Variants in FMNL2 observed in about 807,000 individuals in gnomAD.
The protein encoded by FMNL2 is formin like 2, also known as formin-like protein 2.
A neutral mutation model predicts 130.2 loss-of-function variants in FMNL2; 51 were observed. The ratio of observed to expected loss-of-function variants is 0.39; its 90% CI spans 0.31 to 0.49. FMNL2 has a LOEUF of 0.49. FMNL2 is among the 20% of genes least tolerant of loss of function. The pLI is 0.85. For synonymous variants in FMNL2, 465 were observed against 467.1 expected (o/e 1.00, Z 0.06); for missense variants, 977 against 1,316.2 (o/e 0.74, Z 3.99).
At chr2:152,483,205 G>A (rs1690630159) in intron 1 of FMNL2, among the ~76,000 whole-genome samples, 1 of 152,040 alleles carries the variant, frequency 6.6e-6, no homozygotes, top group Non-Finnish European at 1.5e-5. Context: ...CAGAAACATG[G>A]TGGAGTGGCT....
intron 1 of FMNL2, among the ~76,000 whole-genome samples, chr2:152,437,936 G>A (rs1687850258): frequency 6.6e-6 from 1 of 152,120 alleles, no homozygotes; most frequent in Admixed American, 6.5e-5. Context: ...TGTGGAGTGA[G>A]GAAAAAACAG....
chr2:152,465,580 A>G (rs887388095), intron 1 of FMNL2, among the ~76,000 whole-genome samples: 2 of 152,214 alleles, frequency 1.3e-5, no homozygotes, highest in African/African-American at 2.4e-5. Flanking sequence ...CTTTAAGGAT[A>G]CATTGCACTT....
intron 1 of FMNL2, among the ~76,000 whole-genome samples, chr2:152,477,156 C>G (rs1308534772): frequency 1.3e-5 from 2 of 152,150 alleles, no homozygotes. Context: ...CCATAGAGAT[C>G]TAGCACAATT....
rs1696170525 is a variant in FMNL2 at position 152,571,563 on chromosome 2, T to G, written c.597-3573T>G. On this transcript the variant is annotated intron_variant, in intron 6 of 25. Coordinates refer to ENST00000288670, the MANE Select transcript of FMNL2 (RefSeq NM_052905.4). ...TTATGTAATTCTGTAACAGAACACA[T>G]GCCAAGGGTGTTAGTTTGCCACAGA... Among the ~76,000 whole-genome samples, 3 of 152,200 alleles carry G rather than the reference T, an allele frequency of 2.0e-5. No homozygotes were observed. In the South Asian group the frequency reaches 6.2e-4, roughly 31 times the overall value.
intron 1 of FMNL2, among the ~76,000 whole-genome samples, chr2:152,357,862 A>G (rs973331262): frequency 6.6e-6 from 1 of 152,254 alleles, no homozygotes; most frequent in African/African-American, 2.4e-5. Flanking sequence ...TTTATAGACC[A>G]TAACTGTGAT....
In FMNL2 at chr2:152,640,881, G is replaced by A. The variant is rs1683025473; in HGVS notation, c.3136G>A (p.Gly1046Arg). The change falls in exon 25 of 26, where the codon GGA becomes AGA. Residue 1046 changes from glycine (G) to arginine (R), a missense_variant. Physicochemically the swap from Gly to Arg is moderately radical, Grantham distance 125. Transcript: ENST00000288670. ...TAAAGATAACAGACATGTATATGAG[G>A]GAAAAGATGGTGCCATTGAAGATAT... ...QVKDNRHVYE[G>R]KDGAIEDIIT... is the part of the protein sequence containing the mutation. 1.9e-6 allele frequency: 3 copies of A among 1,613,684 alleles called. No homozygotes were observed. The highest frequency in any genetic ancestry group is 1.3e-5 in the African/African-American group (1 of 74,914).
At chr2:152,363,372 A>C (rs1432070013) in intron 1 of FMNL2, among the ~76,000 whole-genome samples, 3 of 152,214 alleles carry the variant, frequency 2.0e-5, no homozygotes, top group Non-Finnish European at 4.4e-5. Flanking sequence ...TCTTAGTTTA[A>C]ATCCCAATGT....
intron 1 of FMNL2, among the ~76,000 whole-genome samples, chr2:152,356,017 C>T (rs186889806): frequency 6.6e-6 from 1 of 152,208 alleles, no homozygotes; most frequent in African/African-American, 2.4e-5. Flanking sequence ...TTAAAAATAA[C>T]TTATAGTTTG....
chr2:152,462,584 TA>T (rs1378723050), intron 1 of FMNL2, among the ~76,000 whole-genome samples: 1 of 152,252 alleles, frequency 6.6e-6, no homozygotes, highest in African/African-American at 2.4e-5. Context: ...ATTCATATTA[TA>T]TGTAAGTTTG....
At chr2:152,335,779 C>A in intron 1 of FMNL2, 59 bp downstream of exon 1, 1 of 1,227,524 alleles carries the variant, frequency 8.1e-7, no homozygotes, top group African/African-American at 1.6e-5. Flanking sequence ...GGCGGCGCAG[C>A]TGACCCCCGC....
intron 1 of FMNL2, among the ~76,000 whole-genome samples, chr2:152,349,665 C>G (rs1452765578): frequency 1.3e-5 from 2 of 152,156 alleles, no homozygotes; most frequent in East Asian, 3.8e-4. Flanking sequence ...GCTGGGGAAA[C>G]AAGCAACAAT....
At chr2:152,627,011 A>G (rs754162827) in intron 17 of FMNL2, among the ~76,000 whole-genome samples, 3 of 152,220 alleles carry the variant, frequency 2.0e-5, no homozygotes, top group Non-Finnish European at 4.4e-5. Flanking sequence ...TTGTGACATC[A>G]TTTATTATCT....
At chr2:152,601,667 C>CGT (rs1553484907) in intron 9 of FMNL2, among the ~76,000 whole-genome samples, 137 of 132,236 alleles carry the variant, frequency 1.0e-3, no homozygotes, top group African/African-American at 4.0e-3. Context: ...CTTTTCTTTT[C>CGT]TTTCTTTTTT....
intron 1 of FMNL2, among the ~76,000 whole-genome samples, chr2:152,517,774 C>T (rs1692857206): frequency 6.6e-6 from 1 of 152,116 alleles, no homozygotes; most frequent in African/African-American, 2.4e-5. Flanking sequence ...CGACCTTTGG[C>T]GATACTTGCA....
chr2:152,338,958 G>A (rs1250325076), intron 1 of FMNL2, among the ~76,000 whole-genome samples: 1 of 152,128 alleles, frequency 6.6e-6, no homozygotes, highest in Non-Finnish European at 1.5e-5. Flanking sequence ...AGTCAGCCAC[G>A]TACTTCAATC....
In FMNL2 at chr2:152,529,832, C is replaced by T. The variant is rs140992113; in HGVS notation, c.201+7806C>T. On this transcript the variant is annotated intron_variant, in intron 2 of 25. Transcript: ENST00000288670. ...AAACAATTATCCCTTTTAAAACCAT[C>T]CTTTTTGGTGGCTTGATAGAAATAC... is the stretch of plus-strand genomic sequence containing the variant. Among the ~76,000 whole-genome samples, 753 of 152,238 alleles carry T rather than the reference C, an allele frequency of 4.9e-3. 2 individuals carry two copies. Among genetic ancestry groups the T allele is most frequent in the African/African-American group, 0.017 (712 of 41,546 alleles).
chr2:152,455,695 T>A (rs186630077), intron 1 of FMNL2, among the ~76,000 whole-genome samples: 1 of 152,328 alleles, frequency 6.6e-6, no homozygotes, highest in Admixed American at 6.5e-5. Context: ...GATATGGATA[T>A]ATATTTCATG....
chr2:152,581,082 C>CA (rs745639252), intron 9 of FMNL2, 33 bp downstream of exon 9: 1 of 1,555,886 alleles, frequency 6.4e-7, no homozygotes. Context: ...TAAGAATACT[C>CA]ACACATCTTA....
In FMNL2 at chr2:152,645,591, A is replaced by G. The variant is rs560389792; in HGVS notation, c.3170-2205A>G. 26 of 1,054,898 alleles carry G rather than the reference A, an allele frequency of 2.5e-5. No homozygotes were observed. In the East Asian group the frequency reaches 1.4e-3, roughly 55 times the overall value. The allele number at this position is 1,054,898 out of a possible 1,614,324, so 65.3% of individuals were successfully genotyped here. A position where few individuals can be genotyped will look rare whatever the true frequency, so the allele number is the denominator to read the frequency against. On this transcript the variant is annotated intron_variant, in intron 25 of 25. Coordinates refer to ENST00000288670, the MANE Select transcript of FMNL2 (RefSeq NM_052905.4). The stretch of plus-strand genomic sequence containing the variant: ...TATGCAGATCAATGGTTTTCAATCT[A>G]TGGCTGAGGGTAATACTGGTGAGAA...
Sources: allele counts gnomAD v4.1 joint callset (sites outside exome capture counted in the v4.1 genomes callset), GRCh38; gene constraint gnomAD v4.1.1; transcripts MANE v1.5; gene names NCBI Gene and HGNC (gene_info 2026-07-23, HGNC 2026-07-21).